ZNF804A: variants seen among roughly 807,000 people sequenced by gnomAD.
ZNF804A encodes zinc finger protein 804A.
A neutral mutation model predicts 16.5 loss-of-function variants in ZNF804A; 2 were observed. The ratio of observed to expected loss-of-function variants is 0.12; its 90% CI spans 0.05 to 0.38. The LOEUF (loss-of-function observed/expected upper bound fraction) is 0.38, where lower values mean the gene tolerates loss of function less well. Ranked by LOEUF, ZNF804A falls within the 10% of genes least tolerant of loss-of-function variation. ZNF804A has a pLI of 0.99. For synonymous variants in ZNF804A, 534 were observed against 489.6 expected (o/e 1.09, Z -1.20); for missense variants, 1,473 against 1,390.7 (o/e 1.06, Z -0.94).
chr2:184,884,418 T>A (rs1345770481), intron 2 of ZNF804A, among the ~76,000 whole-genome samples: 1 of 151,976 alleles, frequency 6.6e-6, no homozygotes, highest in Non-Finnish European at 1.5e-5. Context: ...AAACTACCAA[T>A]GATAGTCTTC....
Position 184,691,027 on chromosome 2 carries a change from C to G in ZNF804A, c.111+91957C>G, listed in dbSNP as rs75835751. Among the ~76,000 whole-genome samples the G allele has an allele frequency of 4.6e-3, 697 of 151,960 alleles. 12 individuals carry two copies. Among genetic ancestry groups the G allele is most frequent in the African/African-American group, 0.015 (638 of 41,504 alleles). ...TAGTGAGCAAAACTTATAAAGAAGA[C>G]ATATTTAGTGAGGATACTTTTAAAA... On this transcript the variant is annotated intron_variant, in intron 1 of 3. Transcript: ENST00000302277.
At chr2:184,914,045 C>T (rs72893068) in intron 2 of ZNF804A, among the ~76,000 whole-genome samples, 7,710 of 152,246 alleles carry the variant, frequency 0.051, 254 homozygotes, top group Middle Eastern at 0.078. Context: ...CCTCCCACGA[C>T]GTAAACAGAA....
chr2:184,938,395 A>C lies in ZNF804A; in HGVS notation c.2999A>C (p.Asn1000Thr), dbSNP rs754790120. Reference sequence around the variant, plus strand: ...CTGCGTTATAATTCAGGAATCCTTAACACACAACCACCATTACCATTCAAA... The same window carrying C: ...CTGCGTTATAATTCAGGAATCCTTACCACACAACCACCATTACCATTCAAA... Reference protein sequence around the residue: ...EWLRYNSGILNTQPPLPFKEA... With the variant: ...EWLRYNSGILTTQPPLPFKEA... Residue 1000 changes from asparagine (N) to threonine (T), a missense_variant, in exon 4 of 4, where the codon AAC becomes ACC. Coordinates refer to ENST00000302277, the MANE Select transcript of ZNF804A (RefSeq NM_194250.2). The C allele has an allele frequency of 1.9e-6, 3 of 1,614,124 alleles. No homozygotes were observed. Among genetic ancestry groups the C allele is most frequent in the Non-Finnish European group, 2.5e-6 (3 of 1,180,018 alleles).
At chr2:184,707,208 T>C (rs1346050502) in intron 1 of ZNF804A, among the ~76,000 whole-genome samples, 2 of 152,136 alleles carry the variant, frequency 1.3e-5, no homozygotes, top group East Asian at 3.9e-4. Flanking sequence ...ACCACTCACC[T>C]AGCCACTCTT....
chr2:184,818,061 C>T (rs1236500546), intron 1 of ZNF804A, among the ~76,000 whole-genome samples: 1 of 151,798 alleles, frequency 6.6e-6, no homozygotes, highest in Admixed American at 6.6e-5. Flanking sequence ...CAGAGAACCC[C>T]AGTAAGATAC....
At chr2:184,814,610 A>G (rs1053439692) in intron 1 of ZNF804A, among the ~76,000 whole-genome samples, 2 of 152,088 alleles carry the variant, frequency 1.3e-5, no homozygotes, top group African/African-American at 4.8e-5. Flanking sequence ...GAATTTATTC[A>G]GCACAGCATG....
intron 1 of ZNF804A, among the ~76,000 whole-genome samples, chr2:184,861,041 C>A (rs1695792610): frequency 6.6e-6 from 1 of 152,182 alleles, no homozygotes; most frequent in African/African-American, 2.4e-5. Flanking sequence ...GGCCTGGAGC[C>A]TAGGGCTATA....
At chr2:184,931,421 G>T (rs1685699523) in intron 2 of ZNF804A, among the ~76,000 whole-genome samples, 1 of 152,130 alleles carries the variant, frequency 6.6e-6, no homozygotes, top group Admixed American at 6.5e-5. Flanking sequence ...TTCTTGAATT[G>T]GGTGCAGCCA....
At chr2:184,896,451 C>T (rs182661784) in intron 2 of ZNF804A, among the ~76,000 whole-genome samples, 144 of 152,200 alleles carry the variant, frequency 9.5e-4, no homozygotes, top group African/African-American at 3.4e-3. Context: ...TTTGTCATAG[C>T]TCATAGCCAA....
At chr2:184,804,135 A>G (rs2105783918) in intron 1 of ZNF804A, among the ~76,000 whole-genome samples, 1 of 152,240 alleles carries the variant, frequency 6.6e-6, no homozygotes, top group African/African-American at 2.4e-5. Context: ...AAGTGCTGGG[A>G]TTACAGGTGT....
At chr2:184,908,449 G>T (rs1390885640) in intron 2 of ZNF804A, among the ~76,000 whole-genome samples, 1 of 152,026 alleles carries the variant, frequency 6.6e-6, no homozygotes, top group Non-Finnish European at 1.5e-5. Context: ...TTCTTTTAAG[G>T]TTCTTAAATT....
intron 1 of ZNF804A, among the ~76,000 whole-genome samples, chr2:184,619,108 C>A (rs1434706928): frequency 6.6e-6 from 1 of 152,022 alleles, no homozygotes; most frequent in African/African-American, 2.4e-5. Context: ...AAAAAGTAAT[C>A]AGCAAGGAGC....
chr2:184,872,979 G>C (rs1194750520), intron 2 of ZNF804A, among the ~76,000 whole-genome samples: 2 of 152,232 alleles, frequency 1.3e-5, no homozygotes, highest in Admixed American at 6.5e-5. Context: ...GCAGAAAGCA[G>C]GTCAATAGTG....
intron 1 of ZNF804A, among the ~76,000 whole-genome samples, chr2:184,674,030 AT>A (rs1316309806): frequency 6.6e-6 from 1 of 151,976 alleles, no homozygotes; most frequent in Non-Finnish European, 1.5e-5. Flanking sequence ...TTGGTTCTGA[AT>A]TTTTTATGTG....
At chr2:184,600,345 A>T (rs751837464) in intron 1 of ZNF804A, among the ~76,000 whole-genome samples, 1 of 152,160 alleles carries the variant, frequency 6.6e-6, no homozygotes, top group Non-Finnish European at 1.5e-5. Context: ...CTTTCAGCCC[A>T]CTTAAGACTC....
chr2:184,825,965 A>G (rs534677193), intron 1 of ZNF804A, among the ~76,000 whole-genome samples: 143 of 152,102 alleles, frequency 9.4e-4, no homozygotes, highest in African/African-American at 3.3e-3. Flanking sequence ...TCCATTTCCC[A>G]GAGTCAAGCG....
chr2:184,931,621 G>C (rs1685704050), intron 2 of ZNF804A, among the ~76,000 whole-genome samples: 1 of 152,190 alleles, frequency 6.6e-6, no homozygotes, highest in East Asian at 1.9e-4. Flanking sequence ...CTCTGGGCCT[G>C]TGACAGGACA....
chr2:184,699,881 A>G (rs917298468), intron 1 of ZNF804A, among the ~76,000 whole-genome samples: 1 of 152,184 alleles, frequency 6.6e-6, no homozygotes, highest in South Asian at 2.1e-4. Context: ...GGAAATGCCT[A>G]GAGCTATGCA....
intron 1 of ZNF804A, among the ~76,000 whole-genome samples, chr2:184,715,859 T>C (rs566283000): frequency 6.6e-6 from 1 of 152,306 alleles, no homozygotes; most frequent in East Asian, 1.9e-4. Flanking sequence ...ACATTGTTAG[T>C]TTTTCACTAA....
Sources: allele counts gnomAD v4.1 joint callset (sites outside exome capture counted in the v4.1 genomes callset), GRCh38; gene constraint gnomAD v4.1.1; transcripts MANE v1.5; gene names NCBI Gene and HGNC (gene_info 2026-07-23, HGNC 2026-07-21).